The following TRMT10A variants were observed in gnomAD, a reference collection of about 807,000 sequenced individuals.
The protein encoded by TRMT10A is tRNA methyltransferase 10A.
Under a neutral mutation model 40.4 loss-of-function variants are expected in TRMT10A, and 37 were observed. The observed-to-expected ratio is 0.92, with a 90% confidence interval of 0.71 to 1.21. The LOEUF (loss-of-function observed/expected upper bound fraction) is 1.21. TRMT10A is among the 50% of genes most tolerant of loss of function. The probability of loss-of-function intolerance (pLI) is 0.00; values close to 1 mark genes in which losing one functional copy is unlikely to be tolerated. For missense variants in TRMT10A, 388 were observed against 404.3 expected (o/e 0.96, Z 0.35); for synonymous variants, 103 against 134.1 (o/e 0.77, Z 1.60).
intron 7 of TRMT10A, among the ~76,000 whole-genome samples, chr4:99,549,702 C>T (rs549938148): frequency 6.6e-6 from 1 of 152,154 alleles, no homozygotes; most frequent in African/African-American, 2.4e-5. Context: ...TTAGCATTCA[C>T]TTAACTTTCT....
intron 5 of TRMT10A, among the ~76,000 whole-genome samples, chr4:99,554,148 T>C (rs900411791): frequency 6.6e-6 from 1 of 152,182 alleles, no homozygotes; most frequent in African/African-American, 2.4e-5. Context: ...TTTTATTTCC[T>C]CCTTGTTGGC....
rs554790767 is a variant in TRMT10A at position 99,548,503 on chromosome 4, G to T, written c.*585C>A. ...GTAATTACTTCAGAACCATAAAAAG[G>T]CATCATAAAGAAGGAACAGATATGC... On this transcript the variant is annotated 3_prime_UTR_variant, in exon 8 of 8. Transcript: ENST00000394876. The T allele has an allele frequency of 4.3e-4, 65 of 152,130 alleles. No homozygotes were observed. Among genetic ancestry groups the T allele is most frequent in the African/African-American group, 1.3e-3 (55 of 41,534 alleles). The allele number at this position is 152,130 out of a possible 1,614,324, so 9.4% of individuals were successfully genotyped here.
rs1025469266 is a variant in TRMT10A at position 99,549,253 on chromosome 4, A to C, written c.855T>G (p.Cys285Trp). 1.2e-6 allele frequency: 2 copies of C among 1,614,092 alleles called. No homozygotes were observed. Among genetic ancestry groups the C allele is most frequent in the Non-Finnish European group, 1.7e-6 (2 of 1,180,006 alleles). ...RKGAVPTDKA[C>W]ESASHDNQSV... The stretch of plus-strand genomic sequence containing the variant: ...ACTGATTGTCATGAGAAGCACTTTC[A>C]CAGGCTTTGTCTGTGGGAACAGCTC... The change falls in exon 8 of 8, where the codon TGT becomes TGG. Residue 285 changes from cysteine to tryptophan, a missense_variant. Coordinates refer to ENST00000394876, the MANE Select transcript of TRMT10A (RefSeq NM_001134665.3).
chr4:99,547,177 A>T lies in TRMT10A; in HGVS notation c.*1911T>A, dbSNP rs1723768723. On this transcript the variant is annotated 3_prime_UTR_variant, in exon 8 of 8. Transcript: ENST00000394876. ...AACATAGAAGACAGGGTAGAAGACC[A>T]CTTGACAACAAAACTGAGATTGGAG... 6.6e-6 allele frequency: 1 copy of T among 152,168 alleles called. No homozygotes were observed. The highest frequency in any genetic ancestry group is 2.1e-4 in the South Asian group (1 of 4,836). 9.4% of individuals were successfully genotyped at this position (152,168 alleles called of 1,614,324 possible).
rs1723859976 is a variant in TRMT10A, at chr4:99,549,160, T to C, written c.948A>G (p.Leu316=). 3.7e-6 allele frequency: 6 copies of C among 1,614,132 alleles called. No individual in the cohort carries two copies. Among genetic ancestry groups the C allele is most frequent in the Non-Finnish European group, 5.1e-6 (6 of 1,179,990 alleles). ...CCTGCTTTTCTTCATGTGGTGAATC[T>C]AGTTCATTTCTGCTATATTCCTCCT... The part of the protein sequence containing the change: ...SSEEEYSRNE[L]DSPHEEKQDK... The change falls in exon 8 of 8, where the codon CTA becomes CTG. Residue 316 remains leucine, a synonymous_variant. Coordinates refer to ENST00000394876, the MANE Select transcript of TRMT10A (RefSeq NM_001134665.3).
intron 3 of TRMT10A, 50 bp downstream of exon 3, chr4:99,557,999 G>A (rs1724232469): frequency 6.8e-7 from 1 of 1,469,976 alleles, no homozygotes; most frequent in Non-Finnish European, 9.0e-7. Context: ...AAACAAAAAT[G>A]ATTCGACCTA....
rs1723767045 is a variant in TRMT10A, at chr4:99,547,137, T to C, written c.*1951A>G. On this transcript the variant is annotated 3_prime_UTR_variant, in exon 8 of 8. Transcript: ENST00000394876. The stretch of plus-strand genomic sequence containing the variant: ...GTGCTGGTCTCCCTAGAAAAAGAGT[T>C]TGGACACGGATACAAACATAGAAGA... 1 of 152,114 alleles carries C rather than the reference T, an allele frequency of 6.6e-6. No individual in the cohort carries two copies. The allele number at this position is 152,114 out of a possible 1,614,324, so 9.4% of individuals were successfully genotyped here.
At chr4:99,555,698 T>G (rs1361440579) in intron 5 of TRMT10A, among the ~76,000 whole-genome samples, 1 of 152,202 alleles carries the variant, frequency 6.6e-6, no homozygotes, top group Admixed American at 6.5e-5. Context: ...TATTTCACAT[T>G]CATAGCACAT....
intron 2 of TRMT10A, among the ~76,000 whole-genome samples, chr4:99,558,615 A>G (rs1724261067): frequency 6.6e-6 from 1 of 152,146 alleles, no homozygotes; most frequent in African/African-American, 2.4e-5. Flanking sequence ...CATTAAAAAA[A>G]TTACATACTT....
chr4:99,557,366 T>C lies in TRMT10A; in HGVS notation c.399A>G (p.Arg133=). The C allele has an allele frequency of 6.2e-7, 1 of 1,613,582 alleles. No homozygotes were observed. The highest frequency in any genetic ancestry group is 8.5e-7 in the Non-Finnish European group (1 of 1,179,636). The change falls in exon 4 of 8, where the codon CGA becomes CGG. Residue 133 remains arginine (R), a synonymous_variant. Transcript: ENST00000394876. ...ATACCTGCACAGGATGCAGTGCCCG[T>C]CGGTTTTCTGCGTAACATCGTTGAA... ...KQIQRCYAEN[R]RALHPVQFYL...
At position 99,550,919 on chromosome 4, in the gene TRMT10A, C is replaced by A; in HGVS notation, c.717G>T (p.Lys239Asn). Residue 239 changes from lysine to asparagine, a missense_variant, in exon 7 of 8, where the codon AAG becomes AAT. Coordinates refer to ENST00000394876, the MANE Select transcript of TRMT10A (RefSeq NM_001134665.3). ...CTGCCAAAACTTTTCGACTATTCAT[C>A]TTCACAAAATTTCCAAGTGGGAGCT... ...HAQLPLGNFV[K>N]MNSRKVLAVN... The A allele has an allele frequency of 6.2e-7, 1 of 1,613,344 alleles. No individual in the cohort carries two copies. Among genetic ancestry groups the A allele is most frequent in the East Asian group, 2.2e-5 (1 of 44,742 alleles).
intron 1 of TRMT10A, among the ~76,000 whole-genome samples, chr4:99,560,950 GA>G (rs1399366199): frequency 4.6e-5 from 6 of 130,820 alleles, no homozygotes; most frequent in South Asian, 5.0e-4. Context: ...TCTATGTGAA[GA>G]TTTTTTTTTT....
At position 99,547,000 on chromosome 4, in the gene TRMT10A, T is replaced by A. The variant is rs976974413; in HGVS notation, c.*2088A>T. ...GGGTAGAATTGTGTCCCCCAAAAGA[T>A]ATGTCAAATCCTAACACATGGTACC... is the stretch of plus-strand genomic sequence containing the variant. On this transcript the variant is annotated 3_prime_UTR_variant, in exon 8 of 8. Transcript: ENST00000394876. 1.3e-5 allele frequency: 2 copies of A among 151,836 alleles called. No individual in the cohort carries two copies. The highest frequency in any genetic ancestry group is 1.3e-4 in the Admixed American group (2 of 15,198). The allele number at this position is 151,836 out of a possible 1,614,324, so 9.4% of individuals were successfully genotyped here. A position where few individuals can be genotyped will look rare whatever the true frequency, so the allele number is the denominator to read the frequency against.
intron 4 of TRMT10A, among the ~76,000 whole-genome samples, chr4:99,556,864 T>C (rs1369523512): frequency 1.3e-5 from 2 of 152,040 alleles, no homozygotes; most frequent in African/African-American, 4.8e-5. Context: ...CCAAATAGTC[T>C]CCCAAATCAC....
In TRMT10A at chr4:99,548,645, C is replaced by A. The variant is rs1311433168; in HGVS notation, c.*443G>T. On this transcript the variant is annotated 3_prime_UTR_variant, in exon 8 of 8. Transcript: ENST00000394876. ...CATAAAAGCTGCAAATAGAGGGTAA[C>A]CTACCATACACAAATGCTGATAGAT... is the stretch of plus-strand genomic sequence containing the variant. The A allele has an allele frequency of 1.3e-5, 2 of 152,622 alleles. No homozygotes were observed. Among genetic ancestry groups the A allele is most frequent in the East Asian group, 3.9e-4 (2 of 5,194 alleles). 9.5% of individuals were successfully genotyped at this position (152,622 alleles called of 1,614,324 possible).
chr4:99,550,955 G>T lies in TRMT10A; in HGVS notation c.681C>A (p.Ile227=). ...LTYKQASDYG[I]NHAQLPLGNF... ...TTCCAAGTGGGAGCTGTGCATGATT[G>T]ATTCCATAATCTGACGCTTGTTTAT... Residue 227 remains isoleucine (I), a synonymous_variant, in exon 7 of 8, where the codon ATC becomes ATA. Transcript: ENST00000394876. 1 of 1,612,506 alleles carries T rather than the reference G, an allele frequency of 6.2e-7. No individual in the cohort carries two copies. The highest frequency in any genetic ancestry group is 1.1e-5 in the South Asian group (1 of 90,824).
rs146919239 is a variant in TRMT10A at position 99,547,405 on chromosome 4, G to T, written c.*1683C>A. ...ACCCAGTTTGTGGTAATTTGTTCTAGCACATCTAGGAAACTAATACAGAGT... is the reference window on the plus strand; with the variant it reads ...ACCCAGTTTGTGGTAATTTGTTCTATCACATCTAGGAAACTAATACAGAGT... On this transcript the variant is annotated 3_prime_UTR_variant, in exon 8 of 8. Coordinates refer to ENST00000394876, the MANE Select transcript of TRMT10A (RefSeq NM_001134665.3). 3.0e-4 allele frequency: 45 copies of T among 152,148 alleles called. No individual in the cohort carries two copies. The highest frequency in any genetic ancestry group is 1.1e-3 in the African/African-American group (44 of 41,510). 9.4% of individuals were successfully genotyped at this position (152,148 alleles called of 1,614,324 possible). A position where few individuals can be genotyped will look rare whatever the true frequency, so the allele number is the denominator to read the frequency against.
In TRMT10A at chr4:99,547,613, T is replaced by C. The variant is rs775226522; in HGVS notation, c.*1475A>G. The C allele has an allele frequency of 6.6e-6, 1 of 152,078 alleles. No individual in the cohort carries two copies. Among genetic ancestry groups the C allele is most frequent in the Non-Finnish European group, 1.5e-5 (1 of 67,998 alleles). 9.4% of individuals were successfully genotyped at this position (152,078 alleles called of 1,614,324 possible). A position where few individuals can be genotyped will look rare whatever the true frequency, so the allele number is the denominator to read the frequency against. On this transcript the variant is annotated 3_prime_UTR_variant, in exon 8 of 8. Coordinates refer to ENST00000394876, the MANE Select transcript of TRMT10A (RefSeq NM_001134665.3). ...AATACAACTTAAGACATAAGCTTTG[T>C]TATTTTAAAATTGTAGGGCTTGTCT... is the stretch of plus-strand genomic sequence containing the variant.
rs1724583422 is a variant in TRMT10A, at chr4:99,563,997, C to G, written c.-108G>C. The stretch of plus-strand genomic sequence containing the variant: ...TGGTTACGGCTCACGCTTCCTTCCA[C>G]AGAAACTTCAATTCCCAGAGGCAGG... On this transcript the variant is annotated 5_prime_UTR_variant, in exon 1 of 8. Coordinates refer to ENST00000394876, the MANE Select transcript of TRMT10A (RefSeq NM_001134665.3). 1 of 1,448,574 alleles carries G rather than the reference C, an allele frequency of 6.9e-7. No individual in the cohort carries two copies. The highest frequency in any genetic ancestry group is 1.4e-5 in the African/African-American group (1 of 70,954). The allele number at this position is 1,448,574 out of a possible 1,614,324, so 89.7% of individuals were successfully genotyped here.
Sources: allele counts gnomAD v4.1 joint callset (sites outside exome capture counted in the v4.1 genomes callset), GRCh38; gene constraint gnomAD v4.1.1; transcripts MANE v1.5; gene names NCBI Gene and HGNC (gene_info 2026-07-23, HGNC 2026-07-21).